FAT2: variants seen among roughly 807,000 people sequenced by gnomAD.
The protein encoded by FAT2 is FAT atypical cadherin 2.
FAT2 carries 150 observed loss-of-function variants against 295.3 expected under a neutral mutation model. That is an observed-to-expected ratio of 0.51 (90% CI 0.44 to 0.58). The LOEUF (loss-of-function observed/expected upper bound fraction) is 0.58. FAT2 is among the 20% of genes least tolerant of loss of function. FAT2 has a pLI of 0.00. For synonymous variants in FAT2, 2,026 were observed against 2,150.3 expected (o/e 0.94, Z 1.60); for missense variants, 4,868 against 5,442.7 (o/e 0.89, Z 3.32).
intron 12 of FAT2, among the ~76,000 whole-genome samples, chr5:151,537,232 G>GGAA (rs201731840): frequency 2.7e-5 from 4 of 150,764 alleles, no homozygotes; most frequent in East Asian, 2.0e-4. Flanking sequence ...AGGAGGAGGA[G>GGAA]GAAGAAGAAG....
chr5:151,557,466 G>A (rs1757799571), intron 3 of FAT2, among the ~76,000 whole-genome samples: 2 of 152,092 alleles, frequency 1.3e-5, no homozygotes, highest in African/African-American at 4.8e-5. Flanking sequence ...ATCCATTCTG[G>A]GACTTTTGCA....
intron 12 of FAT2, among the ~76,000 whole-genome samples, chr5:151,536,401 C>T (rs548202164): frequency 6.6e-6 from 1 of 152,232 alleles, no homozygotes; most frequent in East Asian, 1.9e-4. Flanking sequence ...CCCCTGCCAC[C>T]CCCTGCTCAG....
In FAT2 at chr5:151,568,539, C is replaced by G. The variant is rs546401029; in HGVS notation, c.393G>C (p.Leu131Phe). 3.1e-6 allele frequency: 5 copies of G among 1,614,112 alleles called. No individual in the cohort carries two copies. The African/African-American group carries it at 6.7e-5, about 22-fold the overall frequency. ...CCAGGATGTGGACCACCACACGGGT[C>G]AAAGCTTCCAACTCCAAGGTCTTCT... ...ATEKTLELEA[L>F]TRVVVHILDQ... Residue 131 changes from leucine to phenylalanine, a missense_variant, in exon 2 of 24, where the codon TTG becomes TTC. By Grantham distance (22) the Leu-to-Phe change is conservative. Around this residue, in one of 5 missense-constraint regions of FAT2, gnomAD observed 3,297 missense variants for 3,669.4 expected, o/e 0.90. Transcript: ENST00000261800.
At chr5:151,583,722 G>A (rs549554544) in intron 1 of FAT2, among the ~76,000 whole-genome samples, 6 of 152,188 alleles carry the variant, frequency 3.9e-5, no homozygotes, top group Non-Finnish European at 5.9e-5. Flanking sequence ...TAGGGGCCAG[G>A]CATGGTTGCT....
rs1760697500 is a variant in FAT2 at position 151,504,520 on chromosome 5, C to CGTCTGCA, written c.*1038_*1044dup. On this transcript the variant is annotated 3_prime_UTR_variant, in exon 24 of 24. Coordinates refer to ENST00000261800, the MANE Select transcript of FAT2 (RefSeq NM_001447.3). ...CCGCAGGTAATACTTGATGGGCAGG[C>CGTCTGCA]GTCTGCAATGGAGAGGAGGCAATGG... 2.6e-5 allele frequency: 4 copies of CGTCTGCA among 152,780 alleles called. No homozygotes were observed. The highest frequency in any genetic ancestry group is 2.6e-4 in the Admixed American group (4 of 15,298). The allele number at this position is 152,780 out of a possible 1,614,324, so 9.5% of individuals were successfully genotyped here.
At position 151,521,785 on chromosome 5, in the gene FAT2, G is replaced by A. The variant is rs141628343; in HGVS notation, c.10808C>T (p.Thr3603Met). ...LPRGHYSFNVTVSDGTFTTTA... is the reference protein window; with the variant it reads ...LPRGHYSFNVMVSDGTFTTTA... ...CGTGGTGAAGGTCCCATCGCTGACC[G>A]TGACGTTGAACGAGTAGTGGCCACG... The change falls in exon 19 of 24, where the codon ACG (threonine) becomes ATG (methionine). Residue 3603 changes from threonine to methionine, a missense_variant. Transcript: ENST00000261800. 4.2e-5 allele frequency: 68 copies of A among 1,614,080 alleles called. No individual in the cohort carries two copies. The highest frequency in any genetic ancestry group is 6.7e-5 in the African/African-American group (5 of 74,940).
chr5:151,565,561 C>G lies in FAT2; in HGVS notation c.3259+112G>C, dbSNP rs1218852893. 2.8e-6 allele frequency: 3 copies of G among 1,087,526 alleles called. No homozygotes were observed. In the African/African-American group the frequency reaches 4.8e-5, roughly 17 times the overall value. 67.4% of individuals were successfully genotyped at this position (1,087,526 alleles called of 1,614,324 possible). ...AAAAGAATCCCTATTTATTGCCTTT[C>G]ATTTCAGCCTGCAGGCTGACTCCTT... On this transcript the variant is annotated intron_variant, in intron 2 of 23. Coordinates refer to ENST00000261800, the MANE Select transcript of FAT2 (RefSeq NM_001447.3).
At position 151,510,011 on chromosome 5, in the gene FAT2, C is replaced by T. The variant is rs1389325495; in HGVS notation, c.12059+10G>A. 6.2e-7 allele frequency: 1 copy of T among 1,613,146 alleles called. No individual in the cohort carries two copies. The highest frequency in any genetic ancestry group is 1.1e-5 in the South Asian group (1 of 91,054). ...AGGAGCCCATGGCAGGTGGCCTCTC[C>T]TGGGATTACCTGTCTCCTGTGTAAG... On this transcript the variant is annotated intron_variant, in intron 22 of 23. Coordinates refer to ENST00000261800, the MANE Select transcript of FAT2 (RefSeq NM_001447.3).
At chr5:151,586,705 A>C (rs1048192705) in intron 1 of FAT2, among the ~76,000 whole-genome samples, 1 of 152,188 alleles carries the variant, frequency 6.6e-6, no homozygotes, top group Non-Finnish European at 1.5e-5. Flanking sequence ...GCTCCTAAAA[A>C]TACTTTCTGA....
rs1243539952 is a variant in FAT2, at chr5:151,567,661, TG to T, written c.1270del (p.His424ThrfsTer57). The T allele has an allele frequency of 6.2e-7, 1 of 1,614,134 alleles. No individual in the cohort carries two copies. Among genetic ancestry groups the T allele is most frequent in the Non-Finnish European group, 8.5e-7 (1 of 1,180,016 alleles). On this transcript the variant is annotated frameshift_variant, in exon 2 of 24. Coordinates refer to ENST00000261800, the MANE Select transcript of FAT2 (RefSeq NM_001447.3). LOFTEE classifies it high-confidence loss of function. ...LITTTKLMDF[H>X]DRAHYQLHIR... ...GTGTAGCTGATAGTGGGCTCTGTCGTGGAAGTCCATGAGCTTTGTGGTGGTG... is the reference window on the plus strand; with the variant it reads ...GTGTAGCTGATAGTGGGCTCTGTCGTGAAGTCCATGAGCTTTGTGGTGGTG...
At chr5:151,589,414 A>G (rs1759312191) in intron 1 of FAT2, among the ~76,000 whole-genome samples, 1 of 152,250 alleles carries the variant, frequency 6.6e-6, no homozygotes, top group South Asian at 2.1e-4. Flanking sequence ...GAAGCTGAGC[A>G]TCAGGCTAGC....
intron 1 of FAT2, among the ~76,000 whole-genome samples, chr5:151,589,111 A>G (rs779779544): frequency 2.6e-5 from 4 of 152,172 alleles, no homozygotes; most frequent in Non-Finnish European, 5.9e-5. Context: ...TTTGCATTCT[A>G]GGGGCTCAGG....
Position 151,551,467 on chromosome 5 carries a change from C to G in FAT2, c.4296G>C (p.Gln1432His). 1 of 1,614,054 alleles carries G rather than the reference C, an allele frequency of 6.2e-7. No homozygotes were observed. The highest frequency in any genetic ancestry group is 8.5e-7 in the Non-Finnish European group (1 of 1,180,000). The change falls in exon 7 of 24, where the codon CAG (glutamine) becomes CAC (histidine). Residue 1432 changes from glutamine to histidine, a missense_variant and splice_region_variant. Physicochemically the swap from Gln to His is conservative, Grantham distance 24 (BLOSUM62 0). This residue lies in a region of FAT2 where 3,297 missense variants were observed against 3,669.4 expected (regional missense o/e 0.90). Coordinates refer to ENST00000261800, the MANE Select transcript of FAT2 (RefSeq NM_001447.3). ...VTDGSRTIATQVHIFMIANIN... is the reference protein window; with the variant it reads ...VTDGSRTIATHVHIFMIANIN... ...GGGGTCCCCAGCCGAGGCCTCTAACCTGTGTGGCAATGGTGCGGGACCCAT... is the reference window on the plus strand; with the variant it reads ...GGGGTCCCCAGCCGAGGCCTCTAACGTGTGTGGCAATGGTGCGGGACCCAT...
In FAT2 at chr5:151,542,628, G is replaced by C. The variant is rs1756262981; in HGVS notation, c.8499C>G (p.Ser2833Arg). 6.2e-7 allele frequency: 1 copy of C among 1,614,202 alleles called. No individual in the cohort carries two copies. The highest frequency in any genetic ancestry group is 8.5e-7 in the Non-Finnish European group (1 of 1,180,036). Reference sequence around the variant, plus strand: ...TACCAGGGTCTGCAGACAGCCTGTAGCTCACCTGGCCATCTCTCCCAGTGT... The same window carrying C: ...TACCAGGGTCTGCAGACAGCCTGTACCTCACCTGGCCATCTCTCCCAGTGT... The part of the protein sequence containing the change: ...DKDTGRDGQV[S>R]YRLSADPGSN... Residue 2833 changes from serine (S) to arginine (R), a missense_variant, in exon 10 of 24, where the codon AGC becomes AGG. Physicochemically the swap from Ser to Arg is moderately radical, Grantham distance 110. This residue lies in a region of FAT2 where 3,297 missense variants were observed against 3,669.4 expected (regional missense o/e 0.90). Transcript: ENST00000261800.
chr5:151,540,815 G>A (rs2127603119), intron 10 of FAT2, 52 bp from the exon 11 acceptor site: 2 of 1,514,946 alleles, frequency 1.3e-6, no homozygotes, highest in Non-Finnish European at 1.8e-6. Flanking sequence ...AATGAACTAG[G>A]CTTTGTGTCA....
intron 1 of FAT2, among the ~76,000 whole-genome samples, chr5:151,589,575 G>A (rs1201865843): frequency 6.6e-6 from 1 of 152,128 alleles, no homozygotes; most frequent in Non-Finnish European, 1.5e-5. Context: ...AATCACTCCT[G>A]CTCTGTCTAC....
intron 16 of FAT2, among the ~76,000 whole-genome samples, chr5:151,527,783 C>T (rs1754171055): frequency 6.6e-6 from 1 of 152,148 alleles, no homozygotes; most frequent in Non-Finnish European, 1.5e-5. Context: ...ACCTGAGGTC[C>T]TCTAGGGAAG....
Position 151,546,160 on chromosome 5 carries a change from C to T in FAT2, c.4967G>A (p.Ser1656Asn), listed in dbSNP as rs777201393. ...CTCAGATTTTGAAAAGATGGGGGCA[C>T]TCCTATCTGAGGGATAGACATGAAT... ...VIIHVYPSDR[S>N]APIFSKSEYF... Residue 1656 changes from serine (S) to asparagine (N), a missense_variant, in exon 10 of 24, where the codon AGT becomes AAT. Physicochemically the swap from Ser to Asn is conservative, Grantham distance 46 (BLOSUM62 1). This residue lies in a region of FAT2 where 3,297 missense variants were observed against 3,669.4 expected (regional missense o/e 0.90). Transcript: ENST00000261800. 1.2e-6 allele frequency: 2 copies of T among 1,614,146 alleles called. No homozygotes were observed. The highest frequency in any genetic ancestry group is 1.6e-4 in the Middle Eastern group (1 of 6,062).
Position 151,505,290 on chromosome 5 carries a change from G to C in FAT2, c.*275C>G, listed in dbSNP as rs165340. 3 of 507,914 alleles carry C rather than the reference G, an allele frequency of 5.9e-6. No homozygotes were observed. The highest frequency in any genetic ancestry group is 5.2e-5 in the South Asian group (2 of 38,152). 31.5% of individuals were successfully genotyped at this position (507,914 alleles called of 1,614,324 possible). ...AGCCCTCCTGTCTCTCGCCCACCCC[G>C]GGAGTCAATTGTTCCTGGTTTTCCA... On this transcript the variant is annotated 3_prime_UTR_variant, in exon 24 of 24. Transcript: ENST00000261800.
Sources: gnomAD v4.1 joint callset for allele counts (sites outside exome capture counted in the v4.1 genomes callset) on GRCh38, gnomAD v4.1.1 for gene constraint, gnomAD v4.1.1 regional missense constraint, MANE v1.5 for transcripts, NCBI Gene and HGNC (gene_info 2026-07-23, HGNC 2026-07-21) for gene names.